The following MGST1 variants were observed in gnomAD, a reference collection of about 807,000 sequenced individuals.
The protein encoded by MGST1 is glutathione S-transferase 12.
A neutral mutation model predicts 8.9 loss-of-function variants in MGST1; 5 were observed. The ratio of observed to expected loss-of-function variants is 0.56; its 90% CI spans 0.29 to 1.19. The LOEUF (loss-of-function observed/expected upper bound fraction) is 1.19, where lower values mean the gene tolerates loss of function less well. Ranked by LOEUF, MGST1 falls within the 50% of genes most tolerant of loss-of-function variation. The pLI, the probability that MGST1 is intolerant of heterozygous loss-of-function variation, is 0.08. For synonymous variants in MGST1, 54 were observed against 67.8 expected (o/e 0.80, Z 1.00); for missense variants, 182 against 187.4 (o/e 0.97, Z 0.17).
chr12:16,391,456 GA>G (rs1362280594), intron 1 of MGST1, among the ~76,000 whole-genome samples: 3 of 151,972 alleles, frequency 2.0e-5, no homozygotes, highest in African/African-American at 7.3e-5. Context: ...TGAGAATGAT[GA>G]TTTCCAGCTT....
At chr12:16,502,489 T>C (rs1275304894) in intron 4 of MGST1, among the ~76,000 whole-genome samples, 1 of 152,186 alleles carries the variant, frequency 6.6e-6, no homozygotes, top group Non-Finnish European at 1.5e-5. Context: ...CAATTTTGCA[T>C]AGTATTCATA....
intron 1 of MGST1, among the ~76,000 whole-genome samples, chr12:16,390,137 G>C (rs1236808357): frequency 6.6e-6 from 1 of 151,982 alleles, no homozygotes; most frequent in Non-Finnish European, 1.5e-5. Context: ...ATGTAATAGA[G>C]GCAGGGGCAT....
At chr12:16,539,354 T>G (rs1016022615) in intron 4 of MGST1, among the ~76,000 whole-genome samples, 1 of 152,158 alleles carries the variant, frequency 6.6e-6, no homozygotes, top group Non-Finnish European at 1.5e-5. Flanking sequence ...GGTATTACAT[T>G]TACCACCCAG....
Position 16,497,693 on chromosome 12 carries a change from C to T in MGST1, n.483-91835C>T. 6.6e-6 allele frequency among the ~76,000 whole-genome samples: 1 copy of T among 152,250 alleles called. No homozygotes were observed. The highest frequency in any genetic ancestry group is 2.1e-4 in the South Asian group (1 of 4,830). On this transcript the variant is annotated intron_variant and non_coding_transcript_variant, in intron 4 of 4. Transcript: ENST00000538857. The surrounding 1 kb of genome is among the most constrained non-coding windows in gnomAD (Gnocchi z 4.4). ...AGCCAAATTTAGCCAATTTTCTCTG[C>T]TTCCTTACCTATAACCATTTTTCAC...
At chr12:16,371,850 G>A (rs1221558745) in intron 3 of MGST1, among the ~76,000 whole-genome samples, 1 of 151,972 alleles carries the variant, frequency 6.6e-6, no homozygotes, top group Non-Finnish European at 1.5e-5. Flanking sequence ...ATAGATCAAT[G>A]GGACAGAATA....
chr12:16,535,618 T>C (rs1941752669), intron 4 of MGST1, among the ~76,000 whole-genome samples: 1 of 152,200 alleles, frequency 6.6e-6, no homozygotes, highest in African/African-American at 2.4e-5. Flanking sequence ...AATGAATTAG[T>C]AAAGTTGCAG....
chr12:16,506,665 T>G (rs1013888522), intron 4 of MGST1, among the ~76,000 whole-genome samples: 1 of 152,216 alleles, frequency 6.6e-6, no homozygotes, highest in African/African-American at 2.4e-5. Context: ...CCAATTCATC[T>G]GCATATACCT....
intron 1 of MGST1, among the ~76,000 whole-genome samples, chr12:16,411,215 C>T (rs1024091014): frequency 1.3e-5 from 2 of 152,170 alleles, no homozygotes; most frequent in African/African-American, 4.8e-5. Context: ...TGCATGAGGG[C>T]AGAACCACAT....
intron 4 of MGST1, among the ~76,000 whole-genome samples, chr12:16,556,776 G>A (rs969565613): frequency 1.3e-5 from 2 of 152,166 alleles, no homozygotes; most frequent in Non-Finnish European, 2.9e-5. Context: ...AAATTTGTCT[G>A]CTTTGCTTGA....
At chr12:16,440,245 G>A (rs1018917087), downstream of MGST1, among the ~76,000 whole-genome samples, 3 of 135,558 alleles carry the variant, frequency 2.2e-5, no homozygotes, top group African/African-American at 5.6e-5. Context: ...AAATGTGTGT[G>A]TACACACACA....
downstream of MGST1, among the ~76,000 whole-genome samples, chr12:16,380,201 T>C (rs1284510250): frequency 2.0e-5 from 3 of 152,190 alleles, no homozygotes; most frequent in Non-Finnish European, 4.4e-5. Flanking sequence ...ATGTGTTTGC[T>C]CTTGCTTTTC....
intron 3 of MGST1, among the ~76,000 whole-genome samples, chr12:16,372,309 T>C (rs1037507917): frequency 4.0e-5 from 6 of 151,894 alleles, no homozygotes. Flanking sequence ...CAAGAACATA[T>C]AAGAAGCTCA....
intron 2 of MGST1, among the ~76,000 whole-genome samples, chr12:16,357,128 A>G (rs1939750781): frequency 6.6e-6 from 1 of 152,200 alleles, no homozygotes; most frequent in Non-Finnish European, 1.5e-5. Flanking sequence ...ATTCAGTTTT[A>G]ACTATAGATG....
chr12:16,448,035 G>C (rs1941095574), intron 4 of MGST1, among the ~76,000 whole-genome samples: 1 of 151,758 alleles, frequency 6.6e-6, no homozygotes, highest in Non-Finnish European at 1.5e-5. Flanking sequence ...GGTAGTAGTT[G>C]AAAGACACTG....
chr12:16,361,093 A>G lies in MGST1; in HGVS notation c.222-2702A>G, dbSNP rs1213410910. ...TTCATAAAGGAAGACCTTGAAGAGT[A>G]TTAGGATTTGAAAGGAGAAAGAGGA... On this transcript the variant is annotated intron_variant, in intron 3 of 3. Coordinates refer to ENST00000396210, the MANE Select transcript of MGST1 (RefSeq NM_020300.5). This position sits in a 1 kb window ranked among gnomAD's most constrained non-coding sequence, Gnocchi z 4.2. Among the ~76,000 whole-genome samples the G allele has an allele frequency of 1.3e-5, 2 of 150,904 alleles. 1 individual carries two copies. Among genetic ancestry groups the G allele is most frequent in the Admixed American group, 1.3e-4 (2 of 15,144 alleles).
chr12:16,524,075 C>CT (rs1320709915), intron 4 of MGST1, among the ~76,000 whole-genome samples: 1 of 152,062 alleles, frequency 6.6e-6, no homozygotes, highest in Non-Finnish European at 1.5e-5. Flanking sequence ...TCAGTTCAGA[C>CT]TTTAAGTTGC....
chr12:16,530,333 T>C (rs1255843287), intron 4 of MGST1, among the ~76,000 whole-genome samples: 1 of 152,102 alleles, frequency 6.6e-6, no homozygotes, highest in East Asian at 1.9e-4. Context: ...ATGTCAAGCT[T>C]TTGTTTTATA....
chr12:16,416,448 A>C (rs2137079560), intron 1 of MGST1, among the ~76,000 whole-genome samples: 1 of 152,302 alleles, frequency 6.6e-6, no homozygotes, highest in Non-Finnish European at 1.5e-5. Flanking sequence ...TGGCTTAAAC[A>C]ACAGAAACTT....
At chr12:16,381,961 C>A (rs936063003), downstream of MGST1, among the ~76,000 whole-genome samples, 1 of 152,176 alleles carries the variant, frequency 6.6e-6, no homozygotes, top group Non-Finnish European at 1.5e-5. Context: ...CTTCACATAG[C>A]TCTCGTGCCT....
Sources: gnomAD v4.1 joint callset for allele counts (sites outside exome capture counted in the v4.1 genomes callset) on GRCh38, gnomAD v4.1.1 for gene constraint, Gnocchi (gnomAD v3.1) non-coding constraint, MANE v1.5 for transcripts, NCBI Gene and HGNC (gene_info 2026-07-23, HGNC 2026-07-21) for gene names.